The following ATXN10 variants were observed in gnomAD, a reference collection of about 807,000 sequenced individuals.
ATXN10 encodes ataxin 10.
ATXN10 carries 28 observed loss-of-function variants against 52.9 expected under a neutral mutation model. The ratio of observed to expected loss-of-function variants is 0.53; its 90% CI spans 0.39 to 0.73. The LOEUF is 0.73. ATXN10 is among the 30% of genes least tolerant of loss of function. ATXN10 has a pLI of 0.00. For missense variants in ATXN10, 565 were observed against 577.0 expected, an observed-to-expected ratio of 0.98 and a Z score of 0.21; for synonymous variants, 226 against 221.5, an observed-to-expected ratio of 1.02 and a Z score of -0.18.
In ATXN10 at chr22:45,701,459, T is replaced by A. The variant is rs773511491; in HGVS notation, c.488+1081T>A. Among the ~76,000 whole-genome samples the A allele has an allele frequency of 4.6e-5, 7 of 152,186 alleles. No homozygotes were observed. The highest frequency in any genetic ancestry group is 2.9e-5 in the Non-Finnish European group (2 of 68,034). On this transcript the variant is annotated intron_variant, in intron 4 of 11. Coordinates refer to ENST00000252934, the MANE Select transcript of ATXN10 (RefSeq NM_013236.4). This position sits in a 1 kb window ranked among gnomAD's most constrained non-coding sequence, Gnocchi z 4.2. The stretch of plus-strand genomic sequence containing the variant: ...AGCGTTAAGATGGGATAAACTCTAA[T>A]TCACCTGTAGCTCATGGAATTTCTC...
rs552384480 is a variant in ATXN10 at position 45,695,553 on chromosome 22, G to A, written c.391+2475G>A. On this transcript the variant is annotated intron_variant, in intron 3 of 11. Transcript: ENST00000252934. ...CGCCCAGGCTGGAGTGCAGTGGTGC[G>A]ATATTGGCTCGCTGCAACCACCGCC... 3.0e-3 allele frequency among the ~76,000 whole-genome samples: 448 copies of A among 149,248 alleles called. 2 individuals carry two copies. Among genetic ancestry groups the A allele is most frequent in the South Asian group, 9.0e-3 (42 of 4,658 alleles).
At chr22:45,811,319 A>G (rs1928271767) in intron 10 of ATXN10, among the ~76,000 whole-genome samples, 1 of 152,116 alleles carries the variant, frequency 6.6e-6, no homozygotes, top group Admixed American at 6.5e-5. Flanking sequence ...TTGGATTGGT[A>G]TTTACATGGT....
At position 45,672,155 on chromosome 22, in the gene ATXN10, C is replaced by T; in HGVS notation, c.92C>T (p.Ala31Val). 3 of 1,539,032 alleles carry T rather than the reference C, an allele frequency of 1.9e-6. No individual in the cohort carries two copies. The highest frequency in any genetic ancestry group is 2.0e-5 in the Admixed American group (1 of 50,846). The change falls in exon 1 of 12, where the codon GCG (alanine) becomes GTG (valine). Residue 31 changes from alanine to valine, a missense_variant. Transcript: ENST00000252934. Reference sequence around the variant, plus strand: ...CTGGAGGCCCTGCGCGCGCTCACGGCGCTCTTCAAAGAGCAGCGGAACCGG... The same window carrying T: ...CTGGAGGCCCTGCGCGCGCTCACGGTGCTCTTCAAAGAGCAGCGGAACCGG... ...QDLEALRALT[A>V]LFKEQRNRET...
chr22:45,741,124 C>T (rs976362039), intron 9 of ATXN10, among the ~76,000 whole-genome samples: 1 of 152,066 alleles, frequency 6.6e-6, no homozygotes. Flanking sequence ...CTGTATTTTT[C>T]TGGAGTTTTA....
At chr22:45,802,542 G>A (rs572672113) in intron 9 of ATXN10, among the ~76,000 whole-genome samples, 5 of 152,260 alleles carry the variant, frequency 3.3e-5, no homozygotes, top group Non-Finnish European at 4.4e-5. Context: ...TCATAATGCC[G>A]CTGTCATCCT....
At chr22:45,815,902 C>T (rs1928443156) in intron 10 of ATXN10, among the ~76,000 whole-genome samples, 1 of 152,138 alleles carries the variant, frequency 6.6e-6, no homozygotes, top group African/African-American at 2.4e-5. Context: ...GTGTTGGATA[C>T]AAAATCTTTC....
chr22:45,738,908 C>T, intron 8 of ATXN10, 69 bp downstream of exon 8: 1 of 1,315,900 alleles, frequency 7.6e-7, no homozygotes, highest in Non-Finnish European at 1.1e-6. Flanking sequence ...TAATATAAAT[C>T]CAAATACAAA....
chr22:45,771,378 C>T (rs185963339), intron 9 of ATXN10, among the ~76,000 whole-genome samples: 4 of 148,016 alleles, frequency 2.7e-5, no homozygotes, highest in East Asian at 3.9e-4. Context: ...TGATGTTGGA[C>T]GTTTTTTCAT....
intron 9 of ATXN10, among the ~76,000 whole-genome samples, chr22:45,745,021 C>T (rs916136324): frequency 4.6e-5 from 7 of 151,974 alleles, no homozygotes; most frequent in African/African-American, 9.7e-5. Flanking sequence ...TTTTTGTTCT[C>T]GACTTGTGTA....
In ATXN10 at chr22:45,738,773, A is replaced by T. The variant is rs747149100; in HGVS notation, c.937A>T (p.Met313Leu). Residue 313 changes from methionine (M) to leucine (L), a missense_variant, in exon 8 of 12, where the codon ATG becomes TTG. Met to Leu is a conservative substitution (Grantham distance 15). Transcript: ENST00000252934. The part of the protein sequence containing the change: ...TIRLLDVLCE[M>L]TVNTELLGYL... ...TAGGCTTCTCGACGTCCTGTGCGAAATGACTGTGAATACTGAGCTGCTCGG... is the reference window on the plus strand; with the variant it reads ...TAGGCTTCTCGACGTCCTGTGCGAATTGACTGTGAATACTGAGCTGCTCGG... 1.2e-6 allele frequency: 2 copies of T among 1,614,180 alleles called. No homozygotes were observed. Among genetic ancestry groups the T allele is most frequent in the South Asian group, 2.2e-5 (2 of 91,088 alleles).
chr22:45,793,731 A>T (rs772705923), intron 9 of ATXN10: 5 of 1,449,968 alleles, frequency 3.4e-6, no homozygotes, highest in Non-Finnish European at 1.8e-6. Context: ...GCTACTGAGG[A>T]GCTCTTGCCA....
At chr22:45,740,855 T>G (rs1323260858) in intron 9 of ATXN10, 1 of 166,118 alleles carries the variant, frequency 6.0e-6, no homozygotes, top group Non-Finnish European at 1.3e-5. Flanking sequence ...TTATTGCCTA[T>G]TATCTTAAAA....
intron 9 of ATXN10, among the ~76,000 whole-genome samples, chr22:45,804,212 A>T (rs894295871): frequency 2.6e-5 from 4 of 152,176 alleles, no homozygotes; most frequent in African/African-American, 9.7e-5. Flanking sequence ...AATAGCACTT[A>T]TTAGGTCAGT....
Position 45,826,674 on chromosome 22 carries a change from G to C in ATXN10, c.1238-16317G>C, listed in dbSNP as rs538569642. On this transcript the variant is annotated intron_variant, in intron 10 of 11. Transcript: ENST00000252934. The surrounding 1 kb of genome is among the most constrained non-coding windows in gnomAD (Gnocchi z 5.0). The stretch of plus-strand genomic sequence containing the variant: ...AAGAAAAAACTGTCAACTAAGAATC[G>C]TTTGTCTGTCCAAACTGTCCTTCAA... Among the ~76,000 whole-genome samples the C allele has an allele frequency of 2.6e-5, 4 of 152,162 alleles. No individual in the cohort carries two copies. Among genetic ancestry groups the C allele is most frequent in the East Asian group, 1.9e-4 (1 of 5,200 alleles).
rs1927268411 is a variant in ATXN10, at chr22:45,784,822, TC to T, written c.1174-22136del. On this transcript the variant is annotated intron_variant, in intron 9 of 11. Transcript: ENST00000252934. The surrounding 1 kb of genome is among the most constrained non-coding windows in gnomAD (Gnocchi z 4.2). ...TTTTTAAACACCGTGGGCAAGCTGATCAACAGTTTCCAGGGCATTATTTATT... is the reference window on the plus strand; with the variant it reads ...TTTTTAAACACCGTGGGCAAGCTGATAACAGTTTCCAGGGCATTATTTATT... Among the ~76,000 whole-genome samples the T allele has an allele frequency of 6.6e-6, 1 of 152,214 alleles. No homozygotes were observed. Among genetic ancestry groups the T allele is most frequent in the Non-Finnish European group, 1.5e-5 (1 of 68,038 alleles).
chr22:45,693,362 A>T (rs550721032), intron 3 of ATXN10, among the ~76,000 whole-genome samples: 3 of 152,272 alleles, frequency 2.0e-5, no homozygotes, highest in African/African-American at 7.2e-5. Context: ...TGTATTGCTT[A>T]CAGTTCTGGA....
At chr22:45,719,539 A>G (rs890326700) in intron 6 of ATXN10, among the ~76,000 whole-genome samples, 20 of 150,184 alleles carry the variant, frequency 1.3e-4, no homozygotes, top group African/African-American at 4.4e-4. Flanking sequence ...TACGACATAC[A>G]GTGCTAAAAA....
At chr22:45,679,828 C>T (rs1922848179) in intron 1 of ATXN10, 1 of 152,194 alleles carries the variant, frequency 6.6e-6, no homozygotes, top group African/African-American at 2.4e-5. Flanking sequence ...GACTCAGCTT[C>T]AAAATACAGA....
In ATXN10 at chr22:45,785,974, A is replaced by G. The variant is rs148898002; in HGVS notation, c.1174-20985A>G. 7.5e-3 allele frequency among the ~76,000 whole-genome samples: 1,149 copies of G among 152,358 alleles called. 18 individuals are homozygous for G. Among genetic ancestry groups the G allele is most frequent in the African/African-American group, 0.026 (1,099 of 41,584 alleles). On this transcript the variant is annotated intron_variant, in intron 9 of 11. Coordinates refer to ENST00000252934, the MANE Select transcript of ATXN10 (RefSeq NM_013236.4). ...AATTTTGTAGCTATGCAGTGATTCA[A>G]CATTCATTCACCAAATTTTTTTTTC...
Sources: gnomAD v4.1 joint callset for allele counts (sites outside exome capture counted in the v4.1 genomes callset) on GRCh38, gnomAD v4.1.1 for gene constraint, Gnocchi (gnomAD v3.1) non-coding constraint, MANE v1.5 for transcripts, NCBI Gene and HGNC (gene_info 2026-07-23, HGNC 2026-07-21) for gene names.